MCF2L: variants seen among roughly 807,000 people sequenced by gnomAD.
MCF2L encodes guanine nucleotide exchange factor DBS.
Under a neutral mutation model 153.4 loss-of-function variants are expected in MCF2L, and 97 were observed. That is an observed-to-expected ratio of 0.63 (90% CI 0.54 to 0.75). The LOEUF is 0.75. Among genes scored for constraint, MCF2L ranks in the 30% least tolerant of loss-of-function variants. The pLI, the probability that MCF2L is intolerant of heterozygous loss-of-function variation, is 0.00. For missense variants in MCF2L, 1,347 were observed against 1,495.2 expected (o/e 0.90, Z 1.64); for synonymous variants, 659 against 632.2 (o/e 1.04, Z -0.64).
chr13:113,091,218 G>C (rs755436618), intron 26 of MCF2L: 83 of 1,303,914 alleles, frequency 6.4e-5, no homozygotes, highest in Non-Finnish European at 7.8e-5. Flanking sequence ...CCTCGGGCAC[G>C]GCACCCACTC....
chr13:112,966,639 A>C (rs1399509024), upstream of MCF2L, among the ~76,000 whole-genome samples: 5 of 152,204 alleles, frequency 3.3e-5, no homozygotes, highest in African/African-American at 1.2e-4. This position sits in a 1 kb window ranked among gnomAD's most constrained non-coding sequence, Gnocchi z 4.1. Flanking sequence ...ACATGGTGCC[A>C]GCCAGAGGAT....
intron 2 of MCF2L, chr13:112,910,663 CCTT>C (rs1314805064): frequency 5.9e-5 from 9 of 152,222 alleles, no homozygotes; most frequent in Non-Finnish European, 1.0e-4. Context: ...CATGAGGAAA[CCTT>C]CTTATCTATG....
At chr13:112,921,254 A>C (rs2081350273) in intron 2 of MCF2L, among the ~76,000 whole-genome samples, 1 of 152,168 alleles carries the variant, frequency 6.6e-6, no homozygotes, top group Non-Finnish European at 1.5e-5. Flanking sequence ...TTAAAATAGA[A>C]GGACGAATAG....
intron 1 of MCF2L, among the ~76,000 whole-genome samples, chr13:112,899,635 T>C (rs9549604): frequency 0.86 from 131,381 of 152,146 alleles, 57,040 homozygotes; most frequent in East Asian, 1. Context: ...GGAGGAACCT[T>C]TAAGCAGGGG....
At chr13:113,039,372 G>A (rs2086343092) in intron 3 of MCF2L, among the ~76,000 whole-genome samples, 1 of 152,130 alleles carries the variant, frequency 6.6e-6, no homozygotes, top group Non-Finnish European at 1.5e-5. Context: ...ACAAACATAG[G>A]AAAATGCCTA....
chr13:113,035,521 G>C lies in MCF2L; in HGVS notation c.279-9750G>C, dbSNP rs1280705870. 6.6e-6 allele frequency among the ~76,000 whole-genome samples: 1 copy of C among 152,136 alleles called. No homozygotes were observed. The highest frequency in any genetic ancestry group is 6.5e-5 in the Admixed American group (1 of 15,280). On this transcript the variant is annotated intron_variant, in intron 3 of 29. Transcript: ENST00000535094. The surrounding 1 kb of genome is among the most constrained non-coding windows in gnomAD (Gnocchi z 4.4). ...GCTCTGGGTGTCTGATCCCTCAGGG[G>C]TCCTGTCTCCCCTCCTCTGGCCCCC... is the stretch of plus-strand genomic sequence containing the variant.
rs368885791 is a variant in MCF2L, at chr13:113,082,558, C to G, written c.1991+16C>G. ...TCCACAACAGGTGGGCCCTTCCCCC[C>G]GACACAGGCACGCACCCGTGATCTC... On this transcript the variant is annotated intron_variant, in intron 17 of 29. Coordinates refer to ENST00000535094, the MANE Select transcript of MCF2L (RefSeq NM_001112732.3). 1.3e-6 allele frequency: 2 copies of G among 1,533,172 alleles called. No individual in the cohort carries two copies. The allele number at this position is 1,533,172 out of a possible 1,614,324, so 95.0% of individuals were successfully genotyped here.
intron 26 of MCF2L, chr13:113,090,048 T>G: frequency 1.3e-6 from 2 of 1,578,838 alleles, no homozygotes; most frequent in Non-Finnish European, 1.7e-6. Context: ...TCTGCATAGT[T>G]TCTTTCTCTT....
chr13:113,017,644 C>A (rs1057454634), intron 2 of MCF2L, among the ~76,000 whole-genome samples: 3 of 152,156 alleles, frequency 2.0e-5, no homozygotes, highest in African/African-American at 7.2e-5. Flanking sequence ...CAAGGGGGCT[C>A]CCCTCCCGCC....
At chr13:112,922,281 C>A (rs2081360615) in intron 2 of MCF2L, among the ~76,000 whole-genome samples, 1 of 152,202 alleles carries the variant, frequency 6.6e-6, no homozygotes, top group African/African-American at 2.4e-5. Flanking sequence ...AAGAGCTCTT[C>A]CCCGAAAGAG....
In MCF2L at chr13:113,090,518, C is replaced by T. The variant is rs1277998382; in HGVS notation, c.2953+790C>T. 25 of 983,390 alleles carry T rather than the reference C, an allele frequency of 2.5e-5. 1 individual carries two copies. In the South Asian group the frequency reaches 3.3e-4, roughly 13 times the overall value. The allele number at this position is 983,390 out of a possible 1,614,324, so 60.9% of individuals were successfully genotyped here. On this transcript the variant is annotated intron_variant, in intron 26 of 29. Coordinates refer to ENST00000535094, the MANE Select transcript of MCF2L (RefSeq NM_001112732.3). ...CCTTGCTGGCTGCGTGTCTCTGCTC[C>T]GCCTGGTGGCAGAGGCCGCTCAGCC...
intron 1 of MCF2L, among the ~76,000 whole-genome samples, chr13:112,988,998 C>G (rs1336249581): frequency 4.2e-5 from 5 of 118,242 alleles, no homozygotes; most frequent in African/African-American, 6.7e-5. Context: ...CTACCACACC[C>G]GAGTCCTCCC....
intron 1 of MCF2L, chr13:113,009,948 G>C (rs1359682141): frequency 6.6e-6 from 1 of 152,228 alleles, no homozygotes; most frequent in African/African-American, 2.4e-5. Context: ...ATTGGCAAAA[G>C]ATGGACTGTA....
At chr13:112,937,840 AGGTGTTGGTTCAGG>A (rs2081531790) in intron 2 of MCF2L, among the ~76,000 whole-genome samples, 1 of 145,008 alleles carries the variant, frequency 6.9e-6, no homozygotes, top group Non-Finnish European at 1.5e-5. Context: ...GTGAGCTCTG[AGGTGTTGGTTCAGG>A]TGAACTGTGA....
At chr13:112,898,883 T>C (rs2081093342) in intron 1 of MCF2L, among the ~76,000 whole-genome samples, 1 of 152,146 alleles carries the variant, frequency 6.6e-6, no homozygotes, top group Admixed American at 6.5e-5. Flanking sequence ...CTATCCTGCC[T>C]GACTTCTCGC....
chr13:113,017,637 G>A (rs1476238595), intron 2 of MCF2L, among the ~76,000 whole-genome samples: 1 of 152,136 alleles, frequency 6.6e-6, no homozygotes, highest in African/African-American at 2.4e-5. Context: ...CTGCCCTCAA[G>A]GGGGCTCCCC....
chr13:113,056,075 G>C (rs2087747127), intron 4 of MCF2L, among the ~76,000 whole-genome samples: 1 of 152,240 alleles, frequency 6.6e-6, no homozygotes, highest in Non-Finnish European at 1.5e-5. Context: ...ATGAAGCAGA[G>C]GTCTCCATGG....
In MCF2L at chr13:112,916,140, G is replaced by A. The variant is rs190789669; in HGVS notation, c.169+13769G>A. On this transcript the variant is annotated intron_variant, in intron 2 of 29. Coordinates refer to the MCF2L transcript ENST00000375608. Reference sequence around the variant, plus strand: ...GGAGAATGGCGTGAACCTGGGAGGCGGAGGTTGCAGTGAGCTGAGATTGCG... The same window carrying A: ...GGAGAATGGCGTGAACCTGGGAGGCAGAGGTTGCAGTGAGCTGAGATTGCG... Among the ~76,000 whole-genome samples, 466 of 148,342 alleles carry A rather than the reference G, an allele frequency of 3.1e-3. 2 individuals are homozygous for A. Among genetic ancestry groups the A allele is most frequent in the African/African-American group, 0.011 (431 of 38,150 alleles).
intron 2 of MCF2L, among the ~76,000 whole-genome samples, chr13:112,919,680 A>G (rs1038475256): frequency 3.3e-5 from 5 of 152,154 alleles, no homozygotes; most frequent in African/African-American, 1.2e-4. Flanking sequence ...AAGAGTTTGT[A>G]TTTGTAGTCT....
Sources: gnomAD v4.1 joint callset for allele counts (sites outside exome capture counted in the v4.1 genomes callset) on GRCh38, gnomAD v4.1.1 for gene constraint, Gnocchi (gnomAD v3.1) non-coding constraint, MANE v1.5 for transcripts, NCBI Gene and HGNC (gene_info 2026-07-23, HGNC 2026-07-21) for gene names.